The following PAPOLG variants were observed in gnomAD, a reference collection of about 807,000 sequenced individuals.
PAPOLG encodes the protein poly(A) polymerase gamma.
Under a neutral mutation model 99.0 loss-of-function variants are expected in PAPOLG, and 40 were observed. That is an observed-to-expected ratio of 0.40 (90% confidence interval 0.31 to 0.53). The LOEUF (loss-of-function observed/expected upper bound fraction) is 0.53. Among genes scored for constraint, PAPOLG ranks in the 20% least tolerant of loss-of-function variants. The pLI, the probability that PAPOLG is intolerant of heterozygous loss-of-function variation, is 0.41. For missense variants in PAPOLG, 675 were observed against 884.1 expected (o/e 0.76, Z 3.00); for synonymous variants, 310 against 299.3 (o/e 1.04, Z -0.37).
intron 10 of PAPOLG, among the ~76,000 whole-genome samples, chr2:60,781,094 G>T (rs571475319): frequency 6.6e-6 from 1 of 152,302 alleles, no homozygotes; most frequent in East Asian, 1.9e-4. Context: ...GATGGTTCAC[G>T]CCTGTAATCC....
Position 60,787,513 on chromosome 2 carries a change from A to G in PAPOLG, c.1289A>G (p.Asn430Ser). 1 of 1,609,642 alleles carries G rather than the reference A, an allele frequency of 6.2e-7. No individual in the cohort carries two copies. The highest frequency in any genetic ancestry group is 8.5e-7 in the Non-Finnish European group (1 of 1,178,788). ...FPGNKEHHKD[N>S]NYVSMWFLGI... ...AATTCTTAAATTTTACTTTATAGCA[A>G]CAATTACGTATCAATGTGGTTCCTT... The change falls in exon 15 of 22, where the codon AAC becomes AGC. Residue 430 changes from asparagine (N) to serine (S), a missense_variant and splice_region_variant. This residue lies in a region of PAPOLG where 413 missense variants were observed against 460.5 expected (regional missense o/e 0.90). Coordinates refer to ENST00000238714, the MANE Select transcript of PAPOLG (RefSeq NM_022894.4).
chr2:60,786,807 G>A (rs1201031442), intron 13 of PAPOLG, 140 bp from the exon 14 acceptor site: 3 of 944,752 alleles, frequency 3.2e-6, no homozygotes, highest in African/African-American at 3.4e-5. Flanking sequence ...TGGGAGTACA[G>A]ATGTGAGCCA....
chr2:60,764,378 T>G (rs185388995), intron 3 of PAPOLG, among the ~76,000 whole-genome samples: 7 of 152,296 alleles, frequency 4.6e-5, no homozygotes, highest in East Asian at 1.9e-4. Context: ...TTCTGCCCCT[T>G]AATCTGCATG....
intron 15 of PAPOLG, among the ~76,000 whole-genome samples, chr2:60,790,506 TG>T (rs759455933): frequency 1.2e-3 from 177 of 152,350 alleles, no homozygotes; most frequent in Middle Eastern, 3.4e-3. Flanking sequence ...GTTTTTTCAT[TG>T]GGTATATTTA....
At chr2:60,795,665 T>C (rs986936091) in intron 21 of PAPOLG, among the ~76,000 whole-genome samples, 2 of 150,222 alleles carry the variant, frequency 1.3e-5, no homozygotes, top group African/African-American at 2.4e-5. Flanking sequence ...ATTATAAATA[T>C]ATATGATGAT....
Position 60,768,517 on chromosome 2 carries a change from A to G in PAPOLG, c.294A>G (p.Thr98=). 2 of 1,613,556 alleles carry G rather than the reference A, an allele frequency of 1.2e-6. No individual in the cohort carries two copies. Among genetic ancestry groups the G allele is most frequent in the Non-Finnish European group, 1.7e-6 (2 of 1,179,528 alleles). Residue 98 remains threonine (T), a synonymous_variant, in exon 4 of 22, where the codon ACA becomes ACG. Transcript: ENST00000238714. ...CTACTGTTGGTGGTAAAATTTTCAC[A>G]TTTGGATCCTATAGGCTTGGAGTAC... ...VVATVGGKIF[T]FGSYRLGVHT...
At chr2:60,757,069 G>C (rs1371159741) in intron 1 of PAPOLG, among the ~76,000 whole-genome samples, 1 of 151,734 alleles carries the variant, frequency 6.6e-6, no homozygotes, top group East Asian at 1.9e-4. Context: ...GTCAGAAACA[G>C]TTCCCGTACT....
Position 60,756,457 on chromosome 2 carries a change from G to A in PAPOLG, c.-22G>A. 1 of 1,612,898 alleles carries A rather than the reference G, an allele frequency of 6.2e-7. No homozygotes were observed. The highest frequency in any genetic ancestry group is 8.5e-7 in the Non-Finnish European group (1 of 1,179,652). On this transcript the variant is annotated 5_prime_UTR_variant, in exon 1 of 22. Coordinates refer to ENST00000238714, the MANE Select transcript of PAPOLG (RefSeq NM_022894.4). ...GACTCCAGAGCGATAAACACTCGCT[G>A]GAGAGGGAGACGCAGGAAGCGATGA... is the stretch of plus-strand genomic sequence containing the variant.
At chr2:60,786,535 A>ATT (rs894505058) in intron 13 of PAPOLG, among the ~76,000 whole-genome samples, 1 of 127,174 alleles carries the variant, frequency 7.9e-6, no homozygotes, top group African/African-American at 3.0e-5. Context: ...CTGGCCTGAA[A>ATT]TTTTTTTTTT....
chr2:60,779,803 G>A (rs1656211623), intron 9 of PAPOLG, 28 bp downstream of exon 9: 1 of 1,577,844 alleles, frequency 6.3e-7, no homozygotes, highest in African/African-American at 1.4e-5. Flanking sequence ...TACTTTGACT[G>A]TTTACTAATC....
In PAPOLG at chr2:60,798,397, GT is replaced by G. The variant is rs1358349850; in HGVS notation, c.*1238del. On this transcript the variant is annotated 3_prime_UTR_variant, in exon 22 of 22. Transcript: ENST00000238714. The stretch of plus-strand genomic sequence containing the variant: ...GATTCAGTGTTTTGTAAATGAAGTC[GT>G]ATGTATTTTCAGAGTATTTTTGTAT... 6.6e-6 allele frequency: 1 copy of G among 152,618 alleles called. No individual in the cohort carries two copies. Among genetic ancestry groups the G allele is most frequent in the Admixed American group, 6.6e-5 (1 of 15,258 alleles). The allele number at this position is 152,618 out of a possible 1,614,324, so 9.5% of individuals were successfully genotyped here. A position where few individuals can be genotyped will look rare whatever the true frequency, so the allele number is the denominator to read the frequency against.
In PAPOLG at chr2:60,760,143, G is replaced by T. The variant is rs761928088; in HGVS notation, c.27G>T (p.Val9=). ...TTATTTTCTTGAACAGAAACACCGT[G>T]CTGGACAGCCAGCGTCAACAAAAGC... MKEMSANT[V]LDSQRQQKHY... Residue 9 remains valine (V), a synonymous_variant, in exon 2 of 22, where the codon GTG becomes GTT. Coordinates refer to ENST00000238714, the MANE Select transcript of PAPOLG (RefSeq NM_022894.4). 1.2e-6 allele frequency: 2 copies of T among 1,613,914 alleles called. No homozygotes were observed. The highest frequency in any genetic ancestry group is 1.7e-6 in the Non-Finnish European group (2 of 1,179,930).
chr2:60,790,570 T>C (rs17538421), intron 15 of PAPOLG, among the ~76,000 whole-genome samples: 4,440 of 152,334 alleles, frequency 0.029, 87 homozygotes, highest in Non-Finnish European at 0.045. Context: ...CATTTTCTTA[T>C]AAGGCGTGAA....
At chr2:60,786,837 T>A (rs544998637) in intron 13 of PAPOLG, 110 bp from the exon 14 acceptor site, 1 of 1,386,398 alleles carries the variant, frequency 7.2e-7, no homozygotes, top group South Asian at 1.5e-5. Flanking sequence ...GCCCGAAGTT[T>A]TTTAATGAAC....
chr2:60,764,615 G>A (rs1056335955), intron 3 of PAPOLG, among the ~76,000 whole-genome samples: 58 of 152,008 alleles, frequency 3.8e-4, no homozygotes, highest in Non-Finnish European at 6.2e-4. Flanking sequence ...TGATAGAGAC[G>A]GGGTTTTGCC....
intron 7 of PAPOLG, 76 bp downstream of exon 7, chr2:60,771,706 CTA>C (rs1206600945): frequency 3.1e-5 from 46 of 1,485,472 alleles, no homozygotes; most frequent in Non-Finnish European, 4.1e-5. Flanking sequence ...GCTGAATTGA[CTA>C]TTCAGTTTTG....
At chr2:60,786,394 A>G (rs1353844029) in intron 13 of PAPOLG, among the ~76,000 whole-genome samples, 2 of 149,910 alleles carry the variant, frequency 1.3e-5, no homozygotes, top group African/African-American at 4.9e-5. Flanking sequence ...TACTCGGCCA[A>G]TTTTTTTTGT....
chr2:60,794,719 C>T lies in PAPOLG; in HGVS notation c.1999C>T (p.Leu667Phe), dbSNP rs1671644025. Residue 667 changes from leucine to phenylalanine, a missense_variant, in exon 20 of 22, where the codon CTT becomes TTT. Around this residue, in one of 3 missense-constraint regions of PAPOLG, gnomAD observed 413 missense variants for 460.5 expected, o/e 0.90. Coordinates refer to ENST00000238714, the MANE Select transcript of PAPOLG (RefSeq NM_022894.4). ...RLKDVEKFIR[L>F]ESTFKDPRTA... ...AATGTTTATATTTTAGTTTATTCGA[C>T]TTGAATCAACATTTAAGGACCCCCG... 7.5e-6 allele frequency: 12 copies of T among 1,610,716 alleles called. 1 individual carries two copies. In the East Asian group the frequency reaches 2.2e-4, roughly 30 times the overall value.
chr2:60,756,293 C>A lies in PAPOLG; in HGVS notation c.-186C>A. The A allele has an allele frequency of 1.4e-6, 1 of 719,052 alleles. No homozygotes were observed. Among genetic ancestry groups the A allele is most frequent in the Non-Finnish European group, 2.4e-6 (1 of 410,348 alleles). The allele number at this position is 719,052 out of a possible 1,614,324, so 44.5% of individuals were successfully genotyped here. A position where few individuals can be genotyped will look rare whatever the true frequency, so the allele number is the denominator to read the frequency against. ...ATTGGCGTCGGCCGCGCTGTATTGT[C>A]ATAAATAGAGCCGGTTTTGTGGTGT... On this transcript the variant is annotated 5_prime_UTR_variant, in exon 1 of 22. Coordinates refer to ENST00000238714, the MANE Select transcript of PAPOLG (RefSeq NM_022894.4).
Sources: gnomAD v4.1 joint callset for allele counts (sites outside exome capture counted in the v4.1 genomes callset) on GRCh38, gnomAD v4.1.1 for gene constraint, gnomAD v4.1.1 regional missense constraint, MANE v1.5 for transcripts, NCBI Gene and HGNC (gene_info 2026-07-23, HGNC 2026-07-21) for gene names.